EYS: variants seen among roughly 807,000 people sequenced by gnomAD.
The protein encoded by EYS is protein eyes shut homolog.
A neutral mutation model predicts 282.1 loss-of-function variants in EYS; 250 were observed. The observed-to-expected ratio is 0.89, with a 90% CI of 0.80 to 0.98. EYS has a LOEUF of 0.98. Ranked by LOEUF, EYS falls within the 50% of genes least tolerant of loss-of-function variation. The pLI is 0.00. For synonymous variants in EYS, 1,355 were observed against 1,282.9 expected (o/e 1.06, Z -1.20); for missense variants, 4,016 against 3,709.0 (o/e 1.08, Z -2.15).
chr6:63,772,917 A>G (rs555889498), intron 40 of EYS, among the ~76,000 whole-genome samples: 2 of 152,054 alleles, frequency 1.3e-5, no homozygotes, highest in South Asian at 2.1e-4. Flanking sequence ...ATGTGTATCT[A>G]TATTTATGTA....
intron 19 of EYS, among the ~76,000 whole-genome samples, chr6:64,869,256 T>C (rs1766517901): frequency 6.6e-6 from 1 of 151,552 alleles, no homozygotes; most frequent in Admixed American, 6.6e-5. Flanking sequence ...TGCTCAGTTG[T>C]TTTTATTTAT....
chr6:64,517,055 C>A (rs182381593), intron 26 of EYS, among the ~76,000 whole-genome samples: 1 of 151,644 alleles, frequency 6.6e-6, no homozygotes, highest in Non-Finnish European at 1.5e-5. Context: ...ATTGGAGAAA[C>A]GTTAAAAATA....
At chr6:64,073,552 G>A (rs1771664069) in intron 32 of EYS, among the ~76,000 whole-genome samples, 1 of 151,646 alleles carries the variant, frequency 6.6e-6, no homozygotes, top group South Asian at 2.1e-4. Flanking sequence ...ATTTTAGAAG[G>A]GAAAAGTTAG....
intron 1 of EYS, among the ~76,000 whole-genome samples, chr6:65,644,453 G>A (rs1007492918): frequency 3.9e-5 from 6 of 152,170 alleles, no homozygotes; most frequent in Middle Eastern, 6.3e-3. Context: ...TGGTGTTTCC[G>A]TGGAAGAAGA....
At position 65,371,737 on chromosome 6, in the gene EYS, C is replaced by CTGTG. The variant is rs1404201291; in HGVS notation, c.1299+12648_1299+12649insCACA. Among the ~76,000 whole-genome samples, 293 of 43,428 alleles carry CTGTG rather than the reference C, an allele frequency of 6.7e-3. 2 individuals carry two copies. Among genetic ancestry groups the CTGTG allele is most frequent in the African/African-American group, 0.011 (158 of 13,852 alleles). The allele number at this position is 43,428 out of a possible 152,430, so 28.5% of individuals were successfully genotyped here. A position where few individuals can be genotyped will look rare whatever the true frequency, so the allele number is the denominator to read the frequency against. ...TCTCTCTCTCTCTCTCTCTCTCTCT[C>CTGTG]TCTCTGTGTGTGTGTGTGTGTGTGT... On this transcript the variant is annotated intron_variant, in intron 8 of 42. Transcript: ENST00000503581.
At chr6:63,870,171 G>A (rs52546) in intron 35 of EYS, among the ~76,000 whole-genome samples, 130,658 of 152,192 alleles carry the variant, frequency 0.86, 56,675 homozygotes, top group Middle Eastern at 0.94. Flanking sequence ...GAGTTGGTAT[G>A]AGCTTTTAAA....
At chr6:63,955,203 C>T (rs928395169) in intron 35 of EYS, among the ~76,000 whole-genome samples, 3 of 152,166 alleles carry the variant, frequency 2.0e-5, no homozygotes, top group Admixed American at 6.6e-5. Context: ...TCTATACACT[C>T]CAATAACAGA....
intron 12 of EYS, among the ~76,000 whole-genome samples, chr6:65,158,229 A>T (rs1764773442): frequency 6.6e-6 from 1 of 150,906 alleles, no homozygotes; most frequent in East Asian, 2.0e-4. Flanking sequence ...TGCATAAAAC[A>T]ACCAAATATT....
At chr6:65,459,112 A>G (rs1026147394) in intron 5 of EYS, among the ~76,000 whole-genome samples, 4 of 152,112 alleles carry the variant, frequency 2.6e-5, no homozygotes, top group African/African-American at 9.6e-5. Flanking sequence ...AATTATACAC[A>G]CAGTCATTAA....
chr6:64,958,590 C>G (rs1769800372), intron 14 of EYS, among the ~76,000 whole-genome samples: 1 of 151,236 alleles, frequency 6.6e-6, no homozygotes. Flanking sequence ...AAAAAATTAG[C>G]CGGGCGCAGT....
chr6:64,630,364 T>C (rs919490917), intron 22 of EYS, among the ~76,000 whole-genome samples: 3 of 152,216 alleles, frequency 2.0e-5, no homozygotes, highest in African/African-American at 7.2e-5. Context: ...CCCAAAGTGC[T>C]GGGATTACAG....
At chr6:65,676,359 A>C (rs7761171) in intron 1 of EYS, among the ~76,000 whole-genome samples, 53,503 of 151,666 alleles carry the variant, frequency 0.35, 11,911 homozygotes, top group Non-Finnish European at 0.49. Context: ...AGAGTATTGA[A>C]ATAAAATTAT....
rs532114740 is a variant in EYS at position 64,331,889 on chromosome 6, G to A, written c.6079-24807C>T. 1.4e-4 allele frequency among the ~76,000 whole-genome samples: 21 copies of A among 152,230 alleles called. No homozygotes were observed. In the South Asian group the frequency reaches 2.7e-3, roughly 20 times the overall value. On this transcript the variant is annotated intron_variant, in intron 29 of 42. Transcript: ENST00000503581. ...CTAGTGTTTGCCTTCACTTTCTCAG[G>A]GTGGGTTGAGGCATTTCCCACCAGG...
chr6:64,908,540 A>G (rs1222709507), intron 16 of EYS, among the ~76,000 whole-genome samples: 1 of 151,912 alleles, frequency 6.6e-6, no homozygotes. Flanking sequence ...TCCAGTGTCC[A>G]AGAAGAATGA....
At position 64,235,195 on chromosome 6, in the gene EYS, C is replaced by G. The variant is rs141344707; in HGVS notation, c.6192-4371G>C. ...TGCTGGTGTGCCGCACCCATTAACT[C>G]GTCATTTAGCATTAGGTATATCTCC... On this transcript the variant is annotated intron_variant, in intron 30 of 42. Coordinates refer to ENST00000503581, the MANE Select transcript of EYS (RefSeq NM_001142800.2). Among the ~76,000 whole-genome samples, 1,351 of 151,060 alleles carry G rather than the reference C, an allele frequency of 8.9e-3. 18 individuals are homozygous for G. The highest frequency in any genetic ancestry group is 0.031 in the African/African-American group (1,264 of 41,064).
chr6:63,720,952 T>A lies in EYS; in HGVS notation c.9079A>T (p.Arg3027Ter). 7 of 1,551,360 alleles carry A rather than the reference T, an allele frequency of 4.5e-6. No homozygotes were observed. The highest frequency in any genetic ancestry group is 6.1e-6 in the Non-Finnish European group (7 of 1,146,778). Residue 3027 changes from arginine (R) to a stop codon, truncating the protein, a stop_gained, in exon 43 of 43, where the codon AGA becomes TGA. Transcript: ENST00000503581. LOFTEE classifies it high-confidence loss of function. Reference sequence around the variant, plus strand: ...TTATAGCTCATAGGCACAGAGATTCTTTCTCCCAAGTTAACTGCTATTTTC... The same window carrying A: ...TTATAGCTCATAGGCACAGAGATTCATTCTCCCAAGTTAACTGCTATTTTC... The part of the protein sequence containing the change: ...TLKIAVNLGE[R>*]ISVPMSYNNG...
intron 29 of EYS, among the ~76,000 whole-genome samples, chr6:64,370,796 G>C (rs965648508): frequency 6.6e-6 from 1 of 151,860 alleles, no homozygotes; most frequent in Non-Finnish European, 1.5e-5. Flanking sequence ...ATGTTGTCTA[G>C]CTCGCATGCA....
chr6:65,442,833 T>C (rs1226257117), intron 5 of EYS, among the ~76,000 whole-genome samples: 1 of 143,890 alleles, frequency 6.9e-6, no homozygotes, highest in South Asian at 2.2e-4. Context: ...TGTACATATA[T>C]ACATACATAT....
chr6:65,690,360 G>A (rs918049173), intron 1 of EYS, among the ~76,000 whole-genome samples: 12 of 149,782 alleles, frequency 8.0e-5, no homozygotes, highest in South Asian at 2.1e-4. Context: ...AGATGAGGGC[G>A]TTTATAGCCC....
Sources: allele counts gnomAD v4.1 joint callset (sites outside exome capture counted in the v4.1 genomes callset), GRCh38; gene constraint gnomAD v4.1.1; transcripts MANE v1.5; gene names NCBI Gene and HGNC (gene_info 2026-07-23, HGNC 2026-07-21).